PIEZO2: variants seen among roughly 807,000 people sequenced by gnomAD.
The protein encoded by PIEZO2 is piezo-type mechanosensitive ion channel component 2.
In PIEZO2, 172 loss-of-function variants were observed where a neutral mutation model predicts 337.3. That is an observed-to-expected ratio of 0.51 (90% CI 0.45 to 0.58). The LOEUF (loss-of-function observed/expected upper bound fraction) is 0.58, where lower values mean the gene tolerates loss of function less well. Among genes scored for constraint, PIEZO2 ranks in the 20% least tolerant of loss-of-function variants. The probability of loss-of-function intolerance (pLI) is 0.00; values close to 1 mark genes in which losing one functional copy is unlikely to be tolerated. For synonymous variants in PIEZO2, 1,251 were observed against 1,228.5 expected (o/e 1.02, Z -0.38); for missense variants, 3,028 against 3,391.3 (o/e 0.89, Z 2.66).
chr18:10,705,243 T>C lies in PIEZO2; in HGVS notation c.5999+93A>G. 3 of 1,400,230 alleles carry C rather than the reference T, an allele frequency of 2.1e-6. No individual in the cohort carries two copies. In the South Asian group the frequency reaches 4.6e-5, roughly 21 times the overall value. 86.7% of individuals were successfully genotyped at this position (1,400,230 alleles called of 1,614,324 possible). On this transcript the variant is annotated intron_variant, in intron 41 of 55. Coordinates refer to ENST00000674853, the MANE Select transcript of PIEZO2 (RefSeq NM_001378183.1). ...CTCTAAGTGTCCAGATGAACTTTTT[T>C]CTATATATGAATTTTTCTGTATACA...
rs187847991 is a variant in PIEZO2 at position 10,978,174 on chromosome 18, T to C, written c.286+1361A>G. Among the ~76,000 whole-genome samples the C allele has an allele frequency of 2.2e-3, 341 of 151,774 alleles. 3 individuals are homozygous for C. The highest frequency in any genetic ancestry group is 0.014 in the Middle Eastern group (4 of 294). On this transcript the variant is annotated intron_variant, in intron 3 of 55. Coordinates refer to ENST00000674853, the MANE Select transcript of PIEZO2 (RefSeq NM_001378183.1). ...TGTCTCTACTAAAAAACACAAAAAA[T>C]AAAATAAAATAAATAGCTGGGCATG...
intron 4 of PIEZO2, among the ~76,000 whole-genome samples, chr18:10,886,376 GTGTGTATATATATATATATATATATA>G (rs1264370301): frequency 4.3e-4 from 6 of 13,808 alleles, no homozygotes; most frequent in East Asian, 4.1e-3. Context: ...ATATGTGTGT[GTGTGTATATATATATATATATATATA>G]TATATATATA....
intron 3 of PIEZO2, among the ~76,000 whole-genome samples, chr18:10,976,672 A>C (rs2034451998): frequency 6.6e-6 from 1 of 152,228 alleles, no homozygotes; most frequent in Non-Finnish European, 1.5e-5. Context: ...TGACATGTTC[A>C]AACTGTATTG....
chr18:10,983,670 G>A (rs948786499), intron 2 of PIEZO2, among the ~76,000 whole-genome samples: 5 of 151,658 alleles, frequency 3.3e-5, no homozygotes, highest in African/African-American at 1.2e-4. Flanking sequence ...CCCACAGGAT[G>A]ACTTGCCTGA....
chr18:11,021,137 G>A lies in PIEZO2; in HGVS notation c.161-41477C>T, dbSNP rs548701250. 1.2e-4 allele frequency among the ~76,000 whole-genome samples: 18 copies of A among 152,222 alleles called. No individual in the cohort carries two copies. In the South Asian group the frequency reaches 3.5e-3, roughly 30 times the overall value. ...CAGGCCTGGACTATGATTCTCTTCC[G>A]TTACATCATGAAAGAAACTCTAGTC... On this transcript the variant is annotated intron_variant, in intron 2 of 55. Transcript: ENST00000674853. The surrounding 1 kb of genome is among the most constrained non-coding windows in gnomAD (Gnocchi z 4.7).
chr18:10,744,878 G>A (rs2037360866), intron 30 of PIEZO2, among the ~76,000 whole-genome samples: 1 of 152,178 alleles, frequency 6.6e-6, no homozygotes, highest in Admixed American at 6.5e-5. Context: ...GCAGGAACCT[G>A]ACAGTGTGCC....
chr18:10,712,247 T>C (rs1006443120), intron 39 of PIEZO2, among the ~76,000 whole-genome samples: 1 of 152,208 alleles, frequency 6.6e-6, no homozygotes, highest in Non-Finnish European at 1.5e-5. Flanking sequence ...TGCACAAACC[T>C]GCAGGCTTTC....
In PIEZO2 at chr18:10,847,987, A is replaced by C. The variant is rs2041417872; in HGVS notation, c.917+7366T>G. Among the ~76,000 whole-genome samples the C allele has an allele frequency of 6.6e-6, 1 of 152,218 alleles. No homozygotes were observed. Among genetic ancestry groups the C allele is most frequent in the African/African-American group, 2.4e-5 (1 of 41,458 alleles). On this transcript the variant is annotated intron_variant, in intron 7 of 55. Coordinates refer to ENST00000674853, the MANE Select transcript of PIEZO2 (RefSeq NM_001378183.1). This position sits in a 1 kb window ranked among gnomAD's most constrained non-coding sequence, Gnocchi z 5.7. Reference sequence around the variant, plus strand: ...CCACACACTGGACCGATTTCAGATGAAGGTTTTGCCAACTGGTCTCCATTA... The same window carrying C: ...CCACACACTGGACCGATTTCAGATGCAGGTTTTGCCAACTGGTCTCCATTA...
intron 3 of PIEZO2, among the ~76,000 whole-genome samples, chr18:10,915,826 G>T (rs1039009837): frequency 2.0e-5 from 3 of 152,120 alleles, no homozygotes; most frequent in African/African-American, 7.2e-5. Context: ...CAAGAATGAA[G>T]CCGCAGACCC....
chr18:11,021,800 G>A lies in PIEZO2; in HGVS notation c.161-42140C>T, dbSNP rs1240100363. On this transcript the variant is annotated intron_variant, in intron 2 of 55. Transcript: ENST00000674853. The surrounding 1 kb of genome is among the most constrained non-coding windows in gnomAD (Gnocchi z 4.7). Reference sequence around the variant, plus strand: ...ATCATCTAGACGCTGGGGGACTGCAGATGCAAACCAGGAAAATGCCCAGCT... The same window carrying A: ...ATCATCTAGACGCTGGGGGACTGCAAATGCAAACCAGGAAAATGCCCAGCT... 6.6e-6 allele frequency among the ~76,000 whole-genome samples: 1 copy of A among 152,180 alleles called. No individual in the cohort carries two copies.
In PIEZO2 at chr18:11,110,548, G is replaced by C. The variant is rs370043612; in HGVS notation, c.64+37977C>G. ...TTCCTCAAACAACAAAGACACAGCA[G>C]AGCGGGGGAGTGGGAGCTGCCACAT... On this transcript the variant is annotated intron_variant, in intron 1 of 55. Coordinates refer to ENST00000674853, the MANE Select transcript of PIEZO2 (RefSeq NM_001378183.1). This position sits in a 1 kb window ranked among gnomAD's most constrained non-coding sequence, Gnocchi z 4.2. Among the ~76,000 whole-genome samples, 1 of 152,206 alleles carries C rather than the reference G, an allele frequency of 6.6e-6. No individual in the cohort carries two copies. The highest frequency in any genetic ancestry group is 1.5e-5 in the Non-Finnish European group (1 of 68,040).
chr18:10,675,919 A>G (rs115808549), intron 53 of PIEZO2, among the ~76,000 whole-genome samples: 23,962 of 151,804 alleles, frequency 0.16, 1,995 homozygotes, highest in Non-Finnish European at 0.19. Flanking sequence ...ATGTGCCTTT[A>G]CTCCTCCTTC....
chr18:10,988,700 T>C lies in PIEZO2; in HGVS notation c.161-9040A>G, dbSNP rs560915345. ...ATCCTAAATGTCCACTGAAGGAATA[T>C]TGGATAAGGAAATTGTGGCATATAC... On this transcript the variant is annotated intron_variant, in intron 2 of 55. Coordinates refer to ENST00000674853, the MANE Select transcript of PIEZO2 (RefSeq NM_001378183.1). This position sits in a 1 kb window ranked among gnomAD's most constrained non-coding sequence, Gnocchi z 4.8. 3.3e-5 allele frequency among the ~76,000 whole-genome samples: 5 copies of C among 152,236 alleles called. No individual in the cohort carries two copies. In the East Asian group the frequency reaches 7.7e-4, roughly 24 times the overall value.
In PIEZO2 at chr18:11,126,221, G is replaced by A. The variant is rs1429024536; in HGVS notation, c.64+22304C>T. Among the ~76,000 whole-genome samples, 1 of 152,130 alleles carries A rather than the reference G, an allele frequency of 6.6e-6. No homozygotes were observed. The highest frequency in any genetic ancestry group is 1.5e-5 in the Non-Finnish European group (1 of 68,026). ...CACTTTTTTAAAGTCAATATTCCCA[G>A]TAGGTTCAACATGAAGTTTTTACTA... On this transcript the variant is annotated intron_variant, in intron 1 of 55. Transcript: ENST00000674853. This position sits in a 1 kb window ranked among gnomAD's most constrained non-coding sequence, Gnocchi z 4.6.
chr18:10,698,650 G>A lies in PIEZO2; in HGVS notation c.6694+275C>T, dbSNP rs7236653. 0.51 allele frequency among the ~76,000 whole-genome samples: 76,834 copies of A among 152,082 alleles called. 19,583 individuals are homozygous for A. The highest frequency in any genetic ancestry group is 0.55 in the Non-Finnish European group (37,520 of 67,984). The stretch of plus-strand genomic sequence containing the variant: ...ACAAATAAATTATCATGAGCCTGGC[G>A]TTTATTAGGTACAAGGCAGTGTGCC... On this transcript the variant is annotated intron_variant, in intron 44 of 55. Transcript: ENST00000674853.
intron 28 of PIEZO2, among the ~76,000 whole-genome samples, 181 bp downstream of exon 28, chr18:10,752,455 G>T (rs2037684771): frequency 6.6e-6 from 1 of 152,178 alleles, no homozygotes. Context: ...GAGGAAAAAG[G>T]ACTCTGTTTA....
chr18:10,983,207 A>T (rs2034735974), intron 2 of PIEZO2, among the ~76,000 whole-genome samples: 1 of 152,136 alleles, frequency 6.6e-6, no homozygotes, highest in Admixed American at 6.6e-5. Context: ...GCAGAATAGG[A>T]GGTTTTGGCT....
chr18:10,689,639 T>C lies in PIEZO2; in HGVS notation c.7497+16A>G, dbSNP rs1330551139. 6 of 1,614,082 alleles carry C rather than the reference T, an allele frequency of 3.7e-6. No homozygotes were observed. The highest frequency in any genetic ancestry group is 5.1e-6 in the Non-Finnish European group (6 of 1,179,964). ...GAGAAGCAGACAGGAATAAGGCACA[T>C]CTCCTGGCTTCTTACCTTCTCCGAC... On this transcript the variant is annotated intron_variant, in intron 49 of 55. Coordinates refer to ENST00000674853, the MANE Select transcript of PIEZO2 (RefSeq NM_001378183.1).
intron 2 of PIEZO2, among the ~76,000 whole-genome samples, chr18:11,013,542 CA>C (rs2035978995): frequency 6.6e-6 from 1 of 152,200 alleles, no homozygotes; most frequent in Non-Finnish European, 1.5e-5. Flanking sequence ...ACCGTTCTAT[CA>C]ACTCAAATAA....
Sources: allele counts gnomAD v4.1 joint callset (sites outside exome capture counted in the v4.1 genomes callset), GRCh38; gene constraint gnomAD v4.1.1; non-coding constraint Gnocchi (gnomAD v3.1); transcripts MANE v1.5; gene names NCBI Gene and HGNC (gene_info 2026-07-23, HGNC 2026-07-21).